KIZ: variants seen among roughly 807,000 people sequenced by gnomAD.
The protein encoded by KIZ is kizuna centrosomal protein.
In KIZ, 68 loss-of-function variants were observed where a neutral mutation model predicts 79.6. The ratio of observed to expected loss-of-function variants is 0.85; its 90% CI spans 0.70 to 1.05. KIZ has a LOEUF of 1.05. Among genes scored for constraint, KIZ ranks in the 50% least tolerant of loss-of-function variants. The pLI is 0.00. For synonymous variants in KIZ, 280 were observed against 281.8 expected (o/e 0.99, Z 0.06); for missense variants, 797 against 800.4 (o/e 1.00, Z 0.05).
At chr20:21,194,620 A>G (rs1278135437) in intron 6 of KIZ, 1 of 152,196 alleles carries the variant, frequency 6.6e-6, no homozygotes, top group Non-Finnish European at 1.5e-5. Context: ...AGCTCTGTGC[A>G]TAGTGCTTGT....
At chr20:21,180,830 A>G (rs2034629162) in intron 6 of KIZ, among the ~76,000 whole-genome samples, 2 of 152,294 alleles carry the variant, frequency 1.3e-5, no homozygotes, top group Admixed American at 1.3e-4. Context: ...TGAGTTTAGG[A>G]ATCACCAAAT....
chr20:21,239,612 T>A (rs1217769911), intron 11 of KIZ, among the ~76,000 whole-genome samples: 1 of 152,228 alleles, frequency 6.6e-6, no homozygotes, highest in Non-Finnish European at 1.5e-5. Flanking sequence ...CTATTGTCAG[T>A]AATTCTTACT....
intron 4 of KIZ, among the ~76,000 whole-genome samples, chr20:21,160,679 T>C (rs886166726): frequency 2.6e-5 from 4 of 152,206 alleles, no homozygotes; most frequent in African/African-American, 9.7e-5. Flanking sequence ...GGCTGAATAT[T>C]TGTGTCCCCC....
At chr20:21,173,983 AG>A (rs575226816) in intron 6 of KIZ, among the ~76,000 whole-genome samples, 116 of 152,346 alleles carry the variant, frequency 7.6e-4, no homozygotes, top group African/African-American at 2.5e-3. Flanking sequence ...AGGGTCAGGA[AG>A]ATCAGAAGGA....
At chr20:21,236,679 C>A (rs1332452394) in intron 11 of KIZ, among the ~76,000 whole-genome samples, 3 of 151,702 alleles carry the variant, frequency 2.0e-5, no homozygotes, top group Non-Finnish European at 2.9e-5. Flanking sequence ...TGGGCCATGG[C>A]TATTTTTTCT....
intron 6 of KIZ, among the ~76,000 whole-genome samples, chr20:21,187,129 T>C: frequency 6.6e-6 from 1 of 151,998 alleles, no homozygotes; most frequent in East Asian, 1.9e-4. Context: ...AAAAACACAA[T>C]TCAAAATCTG....
chr20:21,228,972 A>G (rs781575530), intron 9 of KIZ, 39 bp from the exon 10 acceptor site: 35 of 1,175,092 alleles, frequency 3.0e-5, no homozygotes, highest in Non-Finnish European at 4.0e-5. Flanking sequence ...TCTGGCCAGT[A>G]AAAAATGTAA....
rs945061930 is a variant in KIZ, at chr20:21,222,758, G to A, written c.1679-6253G>A. Among the ~76,000 whole-genome samples the A allele has an allele frequency of 5.9e-5, 9 of 152,172 alleles. No homozygotes were observed. In the East Asian group the frequency reaches 1.7e-3, roughly 29 times the overall value. Reference sequence around the variant, plus strand: ...ACTTGGCCTTCTCTTCTGTGTCTCTGTGTCTGCTCTTCTTCTTAGAAGAAC... The same window carrying A: ...ACTTGGCCTTCTCTTCTGTGTCTCTATGTCTGCTCTTCTTCTTAGAAGAAC... On this transcript the variant is annotated intron_variant, in intron 9 of 12. Coordinates refer to ENST00000619189, the MANE Select transcript of KIZ (RefSeq NM_018474.6).
At chr20:21,233,370 C>T (rs1048576420) in intron 11 of KIZ, among the ~76,000 whole-genome samples, 2 of 152,090 alleles carry the variant, frequency 1.3e-5, no homozygotes, top group African/African-American at 2.4e-5. Flanking sequence ...CTGTAGCACT[C>T]GCTTCTTGTA....
At chr20:21,129,799 C>T (rs2031725738) in intron 1 of KIZ, among the ~76,000 whole-genome samples, 2 of 151,774 alleles carry the variant, frequency 1.3e-5, no homozygotes, top group Admixed American at 1.3e-4. Context: ...AAAAAAGTTG[C>T]GAATATAGGA....
chr20:21,141,492 G>A (rs1459540944), intron 3 of KIZ, among the ~76,000 whole-genome samples: 1 of 152,156 alleles, frequency 6.6e-6, no homozygotes, highest in Non-Finnish European at 1.5e-5. Flanking sequence ...CTCCAGAGCA[G>A]CCTTCCCAGG....
At chr20:21,202,478 G>A (rs1226144622) in intron 6 of KIZ, 1 of 152,140 alleles carries the variant, frequency 6.6e-6, no homozygotes, top group South Asian at 2.1e-4. Flanking sequence ...GTTGCTGAAA[G>A]GTCTTTCTAT....
chr20:21,238,881 T>C (rs2037125043), intron 11 of KIZ, among the ~76,000 whole-genome samples: 1 of 152,138 alleles, frequency 6.6e-6, no homozygotes. Context: ...GGGCACCCAC[T>C]CATCAGGTTC....
At chr20:21,142,085 G>A (rs545059524) in intron 3 of KIZ, among the ~76,000 whole-genome samples, 10 of 149,268 alleles carry the variant, frequency 6.7e-5, no homozygotes, top group South Asian at 6.4e-4. Flanking sequence ...TCCCGCACAC[G>A]TACACACACA....
At chr20:21,186,461 C>T (rs1254874471) in intron 6 of KIZ, among the ~76,000 whole-genome samples, 1 of 151,696 alleles carries the variant, frequency 6.6e-6, no homozygotes, top group Non-Finnish European at 1.5e-5. Context: ...ACTTGTCTGA[C>T]ATCCCCTAAA....
At chr20:21,183,690 G>A (rs1411676414) in intron 6 of KIZ, among the ~76,000 whole-genome samples, 1 of 151,360 alleles carries the variant, frequency 6.6e-6, no homozygotes, top group Non-Finnish European at 1.5e-5. Flanking sequence ...GTAAATTACA[G>A]GATTTTTTTT....
In KIZ at chr20:21,246,488, A is replaced by G; in HGVS notation, c.1934A>G (p.Asp645Gly). ...VINLKSNALW[D>G]ESDDSNSEIE... is the part of the protein sequence containing the mutation. ...TGGTTTTATTTTCCAGCCCTCTGGG[A>G]TGAGTCTGATGACAGTAACTCAGAA... Residue 645 changes from aspartate (D) to glycine (G), a missense_variant, in exon 13 of 13, where the codon GAT becomes GGT. Asp to Gly is a moderately conservative substitution (Grantham distance 94). Transcript: ENST00000619189. 6.2e-7 allele frequency: 1 copy of G among 1,602,066 alleles called. No homozygotes were observed. Among genetic ancestry groups the G allele is most frequent in the Non-Finnish European group, 8.6e-7 (1 of 1,169,396 alleles).
chr20:21,138,963 A>AGCAC (rs2032359009), intron 3 of KIZ: 1 of 137,440 alleles, frequency 7.3e-6, no homozygotes, highest in Non-Finnish European at 1.5e-5. Flanking sequence ...AGCCTACAAC[A>AGCAC]GCACCTGGTA....
intron 10 of KIZ, among the ~76,000 whole-genome samples, chr20:21,230,930 GC>G (rs1482132041): frequency 1.3e-5 from 2 of 152,190 alleles, no homozygotes; most frequent in Non-Finnish European, 2.9e-5. Flanking sequence ...GTAACACCGT[GC>G]TCAGAGCCTT....
Sources: gnomAD v4.1 joint callset for allele counts (sites outside exome capture counted in the v4.1 genomes callset) on GRCh38, gnomAD v4.1.1 for gene constraint, MANE v1.5 for transcripts, NCBI Gene and HGNC (gene_info 2026-07-23, HGNC 2026-07-21) for gene names.